Variants in FIP1L1 observed in about 807,000 individuals in gnomAD.
The protein encoded by FIP1L1 is factor interacting with PAPOLA and CPSF1.
Under a neutral mutation model 84.6 loss-of-function variants are expected in FIP1L1, and 21 were observed. The ratio of observed to expected loss-of-function variants is 0.25; its 90% CI spans 0.18 to 0.36. The LOEUF (loss-of-function observed/expected upper bound fraction) is 0.36, where lower values mean the gene tolerates loss of function less well. Ranked by LOEUF, FIP1L1 falls within the 10% of genes least tolerant of loss-of-function variation. The pLI, the probability that FIP1L1 is intolerant of heterozygous loss-of-function variation, is 1.00. For missense variants in FIP1L1, 526 were observed against 751.1 expected (o/e 0.70, Z 3.50); for synonymous variants, 263 against 242.3 (o/e 1.09, Z -0.80).
In FIP1L1 at chr4:53,453,117, C is replaced by G; in HGVS notation, c.1483C>G (p.Pro495Ala). ...GAGGGAGCGTGATCACAGTCCTACA[C>G]CAAGTGTTTTCAACAGGTTTGTTGG... The part of the protein sequence containing the change: ...RERERDHSPT[P>A]SVFNSDEERY... Residue 495 changes from proline (P) to alanine (A), a missense_variant, in exon 16 of 18, where the codon CCA becomes GCA. Around this residue, in one of 6 missense-constraint regions of FIP1L1, gnomAD observed 89 missense variants for 169.0 expected, o/e 0.53. Transcript: ENST00000337488. 6.2e-7 allele frequency: 1 copy of G among 1,613,966 alleles called. No individual in the cohort carries two copies.
chr4:53,405,141 G>C (rs1468040362), intron 10 of FIP1L1, among the ~76,000 whole-genome samples: 1 of 152,052 alleles, frequency 6.6e-6, no homozygotes, highest in Non-Finnish European at 1.5e-5. Flanking sequence ...TATGGTTTTA[G>C]GTCTAACATT....
chr4:53,437,398 G>A (rs1333261639), intron 13 of FIP1L1, among the ~76,000 whole-genome samples: 1 of 149,738 alleles, frequency 6.7e-6, no homozygotes, highest in Non-Finnish European at 1.5e-5. Context: ...GATGGTGTAG[G>A]CTCTCATAGT....
At chr4:53,411,605 T>C (rs1757264861) in intron 10 of FIP1L1, among the ~76,000 whole-genome samples, 6 of 152,196 alleles carry the variant, frequency 3.9e-5, no homozygotes, top group Admixed American at 3.9e-4. Context: ...GGGTGCACAG[T>C]AGATGTTTAA....
chr4:53,438,165 A>G (rs1770314881), intron 13 of FIP1L1, among the ~76,000 whole-genome samples: 1 of 152,074 alleles, frequency 6.6e-6, no homozygotes, highest in African/African-American at 2.4e-5. Flanking sequence ...CATTTTTTTA[A>G]ACTCATTTTT....
chr4:53,435,215 C>A (rs1768595980), intron 13 of FIP1L1, among the ~76,000 whole-genome samples: 1 of 152,108 alleles, frequency 6.6e-6, no homozygotes, highest in Non-Finnish European at 1.5e-5. Context: ...ATAGAATTTT[C>A]TGGCACAATT....
At chr4:53,421,674 AGAAG>A (rs1255312671) in intron 11 of FIP1L1, among the ~76,000 whole-genome samples, 1 of 152,220 alleles carries the variant, frequency 6.6e-6, no homozygotes, top group African/African-American at 2.4e-5. Flanking sequence ...AGTTCTTATT[AGAAG>A]CCCTTCTGTG....
rs1720727809 is a variant in FIP1L1, at chr4:53,458,577, A to G, written c.1500-76A>G. 7 of 1,474,652 alleles carry G rather than the reference A, an allele frequency of 4.7e-6. No homozygotes were observed. The Admixed American group carries it at 6.2e-5, about 13-fold the overall frequency. 91.3% of individuals were successfully genotyped at this position (1,474,652 alleles called of 1,614,324 possible). ...GGATTTTGGATTTGGACTGCAGATC[A>G]CATCTCTTTTACAGTTTGAATCCAT... On this transcript the variant is annotated intron_variant, in intron 16 of 17. Coordinates refer to ENST00000337488, the MANE Select transcript of FIP1L1 (RefSeq NM_030917.4).
Position 53,453,035 on chromosome 4 carries a change from A to G in FIP1L1, c.1401A>G (p.Arg467=), listed in dbSNP as rs1346261169. ...AAGACCGAGATAGAGAGAGAGACAG[A>G]GACAGAGAGCGAGACCGTGATCGGG... ...REKDRDRERD[R]DRERDRDRDR... Residue 467 remains arginine (R), a synonymous_variant, in exon 16 of 18, where the codon AGA becomes AGG. Coordinates refer to ENST00000337488, the MANE Select transcript of FIP1L1 (RefSeq NM_030917.4). 1 of 1,613,050 alleles carries G rather than the reference A, an allele frequency of 6.2e-7. No homozygotes were observed. The highest frequency in any genetic ancestry group is 1.7e-5 in the Admixed American group (1 of 60,024).
At chr4:53,400,902 T>C (rs1749884493) in intron 10 of FIP1L1, among the ~76,000 whole-genome samples, 2 of 152,220 alleles carry the variant, frequency 1.3e-5, no homozygotes, top group African/African-American at 2.4e-5. Flanking sequence ...TCTTTTGGCT[T>C]ATACATTTTT....
intron 15 of FIP1L1, 94 bp from the exon 16 acceptor site, chr4:53,452,826 G>T (rs1330607013): frequency 1.2e-6 from 1 of 859,118 alleles, no homozygotes; most frequent in Non-Finnish European, 1.9e-6. Context: ...TTTATAAAAT[G>T]AATTTCTATT....
Position 53,382,312 on chromosome 4 carries a change from G to C in FIP1L1, c.205G>C (p.Ala69Pro). ...NPPSGIEDET[A>P]ENGVPKPKVT... ...TCCATCTGGAATTGAAGATGAAACT[G>C]CTGAAAATGGTGTACCAAAACCGGT... is the stretch of plus-strand genomic sequence containing the variant. The change falls in exon 4 of 18, where the codon GCT (alanine) becomes CCT (proline). Residue 69 changes from alanine (A) to proline (P), a missense_variant. Around this residue, in one of 6 missense-constraint regions of FIP1L1, gnomAD observed 100 missense variants for 107.2 expected, o/e 0.93. Transcript: ENST00000337488. 1 of 1,613,632 alleles carries C rather than the reference G, an allele frequency of 6.2e-7. No homozygotes were observed. Among genetic ancestry groups the C allele is most frequent in the African/African-American group, 1.3e-5 (1 of 75,012 alleles).
chr4:53,455,419 G>T (rs1222505598), intron 16 of FIP1L1, among the ~76,000 whole-genome samples: 1 of 152,076 alleles, frequency 6.6e-6, no homozygotes, highest in Non-Finnish European at 1.5e-5. Flanking sequence ...AATGAGAGAT[G>T]TGCAATTCTT....
At chr4:53,396,054 G>T (rs1283767387) in intron 9 of FIP1L1, among the ~76,000 whole-genome samples, 1 of 152,070 alleles carries the variant, frequency 6.6e-6, no homozygotes, top group Non-Finnish European at 1.5e-5. Context: ...GAGTAGCTGG[G>T]ATTACAGGTG....
chr4:53,433,700 T>G (rs796650115), intron 13 of FIP1L1, among the ~76,000 whole-genome samples: 17 of 152,292 alleles, frequency 1.1e-4, no homozygotes, highest in Non-Finnish European at 1.0e-4. Context: ...TACTGAGATA[T>G]AGCCCAACTA....
At chr4:53,415,859 A>G (rs1041885343) in intron 11 of FIP1L1, among the ~76,000 whole-genome samples, 1 of 152,206 alleles carries the variant, frequency 6.6e-6, no homozygotes, top group Non-Finnish European at 1.5e-5. Flanking sequence ...CAACTAATGT[A>G]GATAAAAATA....
chr4:53,393,294 G>A (rs1177826432), intron 9 of FIP1L1, among the ~76,000 whole-genome samples: 2 of 152,182 alleles, frequency 1.3e-5, no homozygotes, highest in Non-Finnish European at 2.9e-5. Flanking sequence ...ATGGGCAAAG[G>A]AGTGGATTTA....
Position 53,381,753 on chromosome 4 carries a change from CTTTTTTTTTT to C in FIP1L1, c.171-510_171-501del, listed in dbSNP as rs531488760. Among the ~76,000 whole-genome samples the C allele has an allele frequency of 1.9e-4, 17 of 87,940 alleles. 1 individual carries two copies. Among genetic ancestry groups the C allele is most frequent in the African/African-American group, 8.9e-4 (16 of 18,028 alleles). 57.7% of individuals were successfully genotyped at this position (87,940 alleles called of 152,430 possible). On this transcript the variant is annotated intron_variant, in intron 3 of 17. Coordinates refer to ENST00000337488, the MANE Select transcript of FIP1L1 (RefSeq NM_030917.4). The stretch of plus-strand genomic sequence containing the variant: ...AATAAACTGTGAAGGCATTTGCATT[CTTTTTTTTTT>C]TTTTTTTTTTTTTTGAGACAGCATC...
chr4:53,389,966 T>A lies in FIP1L1; in HGVS notation c.397+93T>A, dbSNP rs574135985. 3.1e-5 allele frequency: 28 copies of A among 889,824 alleles called. No individual in the cohort carries two copies. In the African/African-American group the frequency reaches 4.7e-4, roughly 15 times the overall value. The allele number at this position is 889,824 out of a possible 1,614,324, so 55.1% of individuals were successfully genotyped here. On this transcript the variant is annotated intron_variant, in intron 6 of 17. Coordinates refer to ENST00000337488, the MANE Select transcript of FIP1L1 (RefSeq NM_030917.4). Reference sequence around the variant, plus strand: ...CTTTTTTTTTTAGTCGGGGACAGAGTCTGGCTCTGTCACTCAGGCTGGAGT... The same window carrying A: ...CTTTTTTTTTTAGTCGGGGACAGAGACTGGCTCTGTCACTCAGGCTGGAGT...
rs545626563 is a variant in FIP1L1 at position 53,438,046 on chromosome 4, CT to C, written c.1175-4606del. Among the ~76,000 whole-genome samples the C allele has an allele frequency of 3.5e-4, 53 of 152,168 alleles. 1 individual carries two copies. The highest frequency in any genetic ancestry group is 6.6e-4 in the Non-Finnish European group (45 of 67,984). On this transcript the variant is annotated intron_variant, in intron 13 of 17. Transcript: ENST00000337488. ...GGCCTATGTTCAAGTTTTAATACCA[CT>C]AATCTGTTCAGTCTGTTAGAGCTTG...
Sources: allele counts gnomAD v4.1 joint callset (sites outside exome capture counted in the v4.1 genomes callset), GRCh38; gene constraint gnomAD v4.1.1; regional missense constraint gnomAD v4.1.1; transcripts MANE v1.5; gene names NCBI Gene and HGNC (gene_info 2026-07-23, HGNC 2026-07-21).